Variants in OXR1 observed in about 807,000 individuals in gnomAD.
OXR1 encodes oxidation resistance 1.
OXR1 carries 41 observed loss-of-function variants against 104.6 expected under a neutral mutation model. That is an observed-to-expected ratio of 0.39 (90% CI 0.31 to 0.51). The LOEUF (loss-of-function observed/expected upper bound fraction) is 0.51. Among genes scored for constraint, OXR1 ranks in the 20% least tolerant of loss-of-function variants. The pLI, the probability that OXR1 is intolerant of heterozygous loss-of-function variation, is 0.77. For synonymous variants in OXR1, 348 were observed against 348.4 expected (o/e 1.00, Z 0.01); for missense variants, 955 against 1,031.9 (o/e 0.93, Z 1.02).
intron 3 of OXR1, among the ~76,000 whole-genome samples, chr8:106,669,731 A>G (rs1826736969): frequency 6.6e-6 from 1 of 152,172 alleles, no homozygotes; most frequent in Non-Finnish European, 1.5e-5. Flanking sequence ...TATTACATTA[A>G]ACCTGATCTC....
chr8:106,329,987 C>T (rs748265165), intron 1 of OXR1, among the ~76,000 whole-genome samples: 2 of 152,094 alleles, frequency 1.3e-5, no homozygotes, highest in Non-Finnish European at 2.9e-5. Flanking sequence ...TGGCTATTCT[C>T]TGACCCCTCT....
chr8:106,571,700 G>A (rs79693625), intron 3 of OXR1, among the ~76,000 whole-genome samples: 2,251 of 152,212 alleles, frequency 0.015, 28 homozygotes, highest in East Asian at 0.04. Flanking sequence ...GGTGAGATAC[G>A]GGTGAGACTA....
At chr8:106,294,922 T>A (rs1812927012) in intron 1 of OXR1, among the ~76,000 whole-genome samples, 1 of 152,218 alleles carries the variant, frequency 6.6e-6, no homozygotes, top group Admixed American at 6.5e-5. Context: ...TTCATAACAA[T>A]CTGTGTATTT....
intron 3 of OXR1, among the ~76,000 whole-genome samples, chr8:106,635,547 C>T (rs10100453): frequency 0.12 from 18,774 of 152,034 alleles, 1,415 homozygotes; most frequent in East Asian, 0.34. Context: ...TGGGTTCAAA[C>T]GATTCTTGTG....
At chr8:106,686,283 T>C (rs1015402592) in intron 6 of OXR1, among the ~76,000 whole-genome samples, 1 of 34,904 alleles carries the variant, frequency 2.9e-5, no homozygotes, top group Admixed American at 4.5e-4. Flanking sequence ...AAATGGAAAA[T>C]AATTAAAAAA....
At chr8:106,345,494 T>C (rs1212428659) in intron 1 of OXR1, among the ~76,000 whole-genome samples, 2 of 152,216 alleles carry the variant, frequency 1.3e-5, no homozygotes, top group African/African-American at 4.8e-5. Flanking sequence ...TATCATAACA[T>C]TTATATAAGT....
chr8:106,367,064 CTTTT>C (rs10706704), intron 2 of OXR1, among the ~76,000 whole-genome samples: 8 of 108,172 alleles, frequency 7.4e-5, no homozygotes, highest in Non-Finnish European at 5.9e-5. Context: ...TTATGTTTCC[CTTTT>C]TTTTTTTTTT....
At chr8:106,572,648 T>TG (rs1220954351) in intron 3 of OXR1, among the ~76,000 whole-genome samples, 2 of 151,370 alleles carry the variant, frequency 1.3e-5, no homozygotes, top group Non-Finnish European at 3.0e-5. Context: ...TCAGCCAAGA[T>TG]TTTTTTTGCT....
intron 1 of OXR1, among the ~76,000 whole-genome samples, chr8:106,271,096 G>T (rs550820772): frequency 7.9e-5 from 12 of 152,250 alleles, no homozygotes; most frequent in East Asian, 3.9e-4. Flanking sequence ...GGGTGAAGAG[G>T]GGGGGAGCTG....
chr8:106,361,807 A>G (rs1816257852), intron 2 of OXR1, among the ~76,000 whole-genome samples: 1 of 152,170 alleles, frequency 6.6e-6, no homozygotes, highest in South Asian at 2.1e-4. Context: ...ATTGACTGAT[A>G]TGGGAAAATT....
chr8:106,360,188 A>T (rs550400569), intron 2 of OXR1, among the ~76,000 whole-genome samples: 2 of 152,296 alleles, frequency 1.3e-5, no homozygotes, highest in Admixed American at 1.3e-4. Context: ...TTTGGGATTT[A>T]AAAAAAGAAG....
chr8:106,336,407 A>G (rs1428315094), intron 1 of OXR1, among the ~76,000 whole-genome samples: 1 of 152,182 alleles, frequency 6.6e-6, no homozygotes, highest in Non-Finnish European at 1.5e-5. Context: ...GGTACCCTGG[A>G]TGATAGTCTT....
At chr8:106,422,989 T>C (rs1818966579) in intron 2 of OXR1, among the ~76,000 whole-genome samples, 1 of 152,114 alleles carries the variant, frequency 6.6e-6, no homozygotes, top group South Asian at 2.1e-4. Context: ...CCAGCGTAAA[T>C]ATCCAGCATT....
intron 3 of OXR1, among the ~76,000 whole-genome samples, chr8:106,628,547 G>T (rs1822378109): frequency 6.6e-6 from 1 of 152,136 alleles, no homozygotes; most frequent in African/African-American, 2.4e-5. Flanking sequence ...ACATTTCCTA[G>T]TGTACAATTC....
intron 1 of OXR1, among the ~76,000 whole-genome samples, chr8:106,329,423 C>G (rs997506539): frequency 9.9e-5 from 15 of 151,302 alleles, no homozygotes; most frequent in Admixed American, 1.3e-4. Flanking sequence ...TCTCAGCTCA[C>G]TGCAAGCTCC....
chr8:106,723,835 G>A (rs975570985), intron 11 of OXR1, among the ~76,000 whole-genome samples: 1 of 152,048 alleles, frequency 6.6e-6, no homozygotes, highest in African/African-American at 2.4e-5. Context: ...TGTTGCCCAG[G>A]CTGGAATGCA....
intron 1 of OXR1, among the ~76,000 whole-genome samples, chr8:106,292,634 A>G (rs1812803819): frequency 6.6e-6 from 1 of 152,180 alleles, no homozygotes; most frequent in African/African-American, 2.4e-5. Flanking sequence ...AAAGCTTTGA[A>G]GAAAACATAT....
chr8:106,349,030 C>T (rs903158927), intron 1 of OXR1, among the ~76,000 whole-genome samples: 10 of 152,252 alleles, frequency 6.6e-5, no homozygotes, highest in Admixed American at 1.3e-4. Flanking sequence ...GCAATAATTT[C>T]CAGCTAATTT....
intron 2 of OXR1, among the ~76,000 whole-genome samples, chr8:106,433,399 C>T (rs756472712): frequency 2.0e-5 from 3 of 152,112 alleles, no homozygotes; most frequent in Non-Finnish European, 4.4e-5. Flanking sequence ...TGGGGAGGTT[C>T]GGACTCTTGG....
Sources: allele counts gnomAD v4.1 joint callset (sites outside exome capture counted in the v4.1 genomes callset), GRCh38; gene constraint gnomAD v4.1.1; transcripts MANE v1.5; gene names NCBI Gene and HGNC (gene_info 2026-07-23, HGNC 2026-07-21).